The following NPAS3 variants were observed in gnomAD, a reference collection of about 807,000 sequenced individuals.
NPAS3 encodes the protein neuronal PAS domain protein 3.
In NPAS3, 14 loss-of-function variants were observed where a neutral mutation model predicts 73.1. That is an observed-to-expected ratio of 0.19 (90% confidence interval 0.13 to 0.30). NPAS3 has a LOEUF of 0.30. Among genes scored for constraint, NPAS3 ranks in the 10% least tolerant of loss-of-function variants. The pLI, the probability that NPAS3 is intolerant of heterozygous loss-of-function variation, is 1.00. For missense variants in NPAS3, 1,096 were observed against 1,250.0 expected (o/e 0.88, Z 1.86); for synonymous variants, 620 against 541.5 (o/e 1.14, Z -2.01).
chr14:33,780,592 A>G (rs1203809803), intron 9 of NPAS3: 2 of 450,312 alleles, frequency 4.4e-6, no homozygotes, highest in East Asian at 7.0e-5. Flanking sequence ...TTTGGAAAAC[A>G]TCATGCATCA....
At chr14:33,756,154 A>G (rs1048412884) in intron 7 of NPAS3, among the ~76,000 whole-genome samples, 1 of 152,182 alleles carries the variant, frequency 6.6e-6, no homozygotes, top group African/African-American at 2.4e-5. Flanking sequence ...TGAAAGCTTT[A>G]TGTATCCCTC....
intron 3 of NPAS3, among the ~76,000 whole-genome samples, chr14:33,364,625 C>T (rs58570285): frequency 0.013 from 1,950 of 152,228 alleles, 20 homozygotes; most frequent in Non-Finnish European, 0.016. Flanking sequence ...GGGGTACACA[C>T]TCAGATTTCT....
intron 3 of NPAS3, among the ~76,000 whole-genome samples, chr14:33,293,820 G>C (rs768970460): frequency 1.8e-4 from 27 of 152,132 alleles, no homozygotes; most frequent in Non-Finnish European, 3.7e-4. Flanking sequence ...GAAGAGTTTA[G>C]AATTAATTAG....
intron 3 of NPAS3, among the ~76,000 whole-genome samples, chr14:33,251,891 T>G (rs1217526592): frequency 6.6e-6 from 1 of 152,114 alleles, no homozygotes; most frequent in Non-Finnish European, 1.5e-5. Flanking sequence ...CTCTTTTTTT[T>G]AGAGGGGACC....
chr14:33,407,569 T>C (rs1323765226), intron 4 of NPAS3, among the ~76,000 whole-genome samples: 4 of 152,186 alleles, frequency 2.6e-5, no homozygotes, highest in East Asian at 1.9e-4. Context: ...TATGGTGTAA[T>C]AGAATAGAAA....
intron 2 of NPAS3, among the ~76,000 whole-genome samples, chr14:33,165,895 G>A (rs2045121066): frequency 6.6e-6 from 1 of 152,170 alleles, no homozygotes; most frequent in East Asian, 1.9e-4. Context: ...TCCACATTCT[G>A]TGAGTACTTT....
At chr14:33,136,680 C>G (rs997751823) in intron 2 of NPAS3, among the ~76,000 whole-genome samples, 1 of 152,198 alleles carries the variant, frequency 6.6e-6, no homozygotes, top group Non-Finnish European at 1.5e-5. Flanking sequence ...CTTACTTTCT[C>G]CAATTGTCAC....
chr14:33,714,628 TTTAA>T (rs2060911223), intron 6 of NPAS3, among the ~76,000 whole-genome samples: 2 of 152,224 alleles, frequency 1.3e-5, no homozygotes, highest in African/African-American at 4.8e-5. Context: ...CTATATTTTC[TTTAA>T]TTTATTTCCC....
intron 3 of NPAS3, among the ~76,000 whole-genome samples, chr14:33,324,496 A>G (rs1414259516): frequency 3.3e-5 from 5 of 152,224 alleles, no homozygotes; most frequent in Non-Finnish European, 5.9e-5. Context: ...TACCCTAAAT[A>G]GTATCATATG....
intron 6 of NPAS3, among the ~76,000 whole-genome samples, chr14:33,726,759 T>C (rs1199593258): frequency 1.3e-5 from 2 of 152,180 alleles, no homozygotes; most frequent in East Asian, 1.9e-4. Flanking sequence ...AAGTGAGCTA[T>C]AGTAAAACAT....
chr14:33,551,835 A>G (rs1245829844), intron 4 of NPAS3, among the ~76,000 whole-genome samples: 1 of 152,146 alleles, frequency 6.6e-6, no homozygotes, highest in Non-Finnish European at 1.5e-5. Context: ...TTTTGACTGC[A>G]TGTTTTCCAA....
Position 33,714,071 on chromosome 14 carries a change from C to T in NPAS3, c.734-21143C>T, listed in dbSNP as rs879538588. On this transcript the variant is annotated intron_variant, in intron 6 of 11. Transcript: ENST00000356141. Reference sequence around the variant, plus strand: ...TTCTCAGTGAGGTCTTCTCTGGCCACGTTATTTAAAATTACAACTCTCACC... The same window carrying T: ...TTCTCAGTGAGGTCTTCTCTGGCCATGTTATTTAAAATTACAACTCTCACC... 3.9e-5 allele frequency among the ~76,000 whole-genome samples: 6 copies of T among 152,062 alleles called. No homozygotes were observed. The South Asian group carries it at 8.3e-4, about 21-fold the overall frequency.
chr14:33,266,149 CACTTTTA>C (rs2040808218), intron 3 of NPAS3, among the ~76,000 whole-genome samples: 1 of 152,080 alleles, frequency 6.6e-6, no homozygotes, highest in African/African-American at 2.4e-5. Context: ...TCTTGAAGCT[CACTTTTA>C]ACTTAATCTG....
chr14:33,503,875 C>A (rs146730153), intron 4 of NPAS3, among the ~76,000 whole-genome samples: 39 of 151,948 alleles, frequency 2.6e-4, no homozygotes, highest in African/African-American at 8.9e-4. Flanking sequence ...AGGAAACATT[C>A]GTAACTCAAT....
chr14:33,122,372 C>T (rs1595493908), intron 2 of NPAS3, among the ~76,000 whole-genome samples: 1 of 152,124 alleles, frequency 6.6e-6, no homozygotes, highest in Non-Finnish European at 1.5e-5. Context: ...TTTAGATGGA[C>T]TTATCAAATC....
At chr14:33,731,440 AGAG>A (rs796645741) in intron 6 of NPAS3, among the ~76,000 whole-genome samples, 9 of 134,372 alleles carry the variant, frequency 6.7e-5, no homozygotes, top group African/African-American at 1.2e-4. Context: ...AAAAAAAAAA[AGAG>A]AGAGAGAAAG....
chr14:33,599,111 T>C (rs2057328357), intron 5 of NPAS3, among the ~76,000 whole-genome samples: 1 of 152,152 alleles, frequency 6.6e-6, no homozygotes, highest in African/African-American at 2.4e-5. Flanking sequence ...ATCAACCCAC[T>C]CTCAAGTGGG....
chr14:33,642,963 T>G (rs556927318), intron 5 of NPAS3, among the ~76,000 whole-genome samples: 5 of 152,270 alleles, frequency 3.3e-5, no homozygotes, highest in South Asian at 4.1e-4. Context: ...ACCAAAAAAG[T>G]GTCCATGGAT....
intron 1 of NPAS3, among the ~76,000 whole-genome samples, chr14:33,039,647 A>T (rs2138405750): frequency 6.6e-6 from 1 of 152,360 alleles, no homozygotes; most frequent in Non-Finnish European, 1.5e-5. Flanking sequence ...GCCACAGCTC[A>T]CAAATGATTC....
Sources: allele counts gnomAD v4.1 joint callset (sites outside exome capture counted in the v4.1 genomes callset), GRCh38; gene constraint gnomAD v4.1.1; transcripts MANE v1.5; gene names NCBI Gene and HGNC (gene_info 2026-07-23, HGNC 2026-07-21).